Variants in GRID2 observed in about 807,000 individuals in gnomAD.
GRID2 encodes the protein glutamate ionotropic receptor delta type subunit 2.
A neutral mutation model predicts 114.8 loss-of-function variants in GRID2; 33 were observed. That is an observed-to-expected ratio of 0.29 (90% CI 0.22 to 0.38). The LOEUF is 0.38. GRID2 is among the 10% of genes least tolerant of loss of function. GRID2 has a pLI of 1.00. For synonymous variants in GRID2, 505 were observed against 449.9 expected (o/e 1.12, Z -1.55); for missense variants, 1,184 against 1,257.7 (o/e 0.94, Z 0.89).
intron 15 of GRID2, 47 bp downstream of exon 15, chr4:93,769,497 T>C (rs1343453569): frequency 6.2e-7 from 1 of 1,600,714 alleles, no homozygotes; most frequent in African/African-American, 1.3e-5. Flanking sequence ...ACAAGCAGGC[T>C]GTATTTCCAG....
chr4:92,609,063 A>G lies in GRID2; in HGVS notation c.244+18777A>G, dbSNP rs192962813. On this transcript the variant is annotated intron_variant, in intron 2 of 15. Transcript: ENST00000282020. The stretch of plus-strand genomic sequence containing the variant: ...AAGTACAGTAAGTTATAAAGTTTTC[A>G]TTAGTAAAGATGAAGTGTTAGAGGA... Among the ~76,000 whole-genome samples the G allele has an allele frequency of 1.1e-3, 163 of 151,892 alleles. 3 individuals are homozygous for G. The highest frequency in any genetic ancestry group is 3.6e-3 in the African/African-American group (148 of 41,512).
chr4:93,468,986 A>C (rs779745748), intron 11 of GRID2, among the ~76,000 whole-genome samples: 63 of 152,130 alleles, frequency 4.1e-4, no homozygotes, highest in Admixed American at 9.2e-4. Flanking sequence ...CATTTTAAAA[A>C]ACTTTAACTC....
intron 2 of GRID2, among the ~76,000 whole-genome samples, chr4:92,626,746 A>G (rs1730543106): frequency 1.3e-5 from 2 of 152,116 alleles, no homozygotes; most frequent in African/African-American, 4.8e-5. Flanking sequence ...CAGAGAAGAT[A>G]CCACAACATA....
At chr4:92,389,526 G>T (rs1478159597) in intron 1 of GRID2, among the ~76,000 whole-genome samples, 2 of 151,408 alleles carry the variant, frequency 1.3e-5, no homozygotes, top group African/African-American at 4.8e-5. Context: ...ATATCTAATT[G>T]AGTCTACTTC....
intron 2 of GRID2, among the ~76,000 whole-genome samples, chr4:92,891,998 A>G (rs540068111): frequency 6.6e-6 from 1 of 152,242 alleles, no homozygotes; most frequent in South Asian, 2.1e-4. Flanking sequence ...ACCCAAAAGT[A>G]TCTCTAAACA....
chr4:92,623,443 A>G (rs1166257804), intron 2 of GRID2, among the ~76,000 whole-genome samples: 4 of 151,718 alleles, frequency 2.6e-5, no homozygotes, highest in Non-Finnish European at 4.4e-5. Context: ...AGATACATGA[A>G]ACAAAGCCAT....
At chr4:93,183,307 T>C (rs931531856) in intron 4 of GRID2, among the ~76,000 whole-genome samples, 7 of 152,210 alleles carry the variant, frequency 4.6e-5, no homozygotes, top group African/African-American at 1.7e-4. Flanking sequence ...GTCAAGCTTA[T>C]TAAATTGAAG....
chr4:93,051,403 CA>C (rs1012429645), intron 2 of GRID2, among the ~76,000 whole-genome samples: 1 of 152,022 alleles, frequency 6.6e-6, no homozygotes, highest in African/African-American at 2.4e-5. Context: ...CCCCCTTTGC[CA>C]AGAGGCAAAG....
chr4:92,590,830 C>A (rs1728676626), intron 2 of GRID2, among the ~76,000 whole-genome samples: 1 of 152,034 alleles, frequency 6.6e-6, no homozygotes, highest in East Asian at 1.9e-4. Flanking sequence ...CCTCTGTAAA[C>A]CTGAGTAAAT....
chr4:93,338,653 AGC>A (rs1759328890), intron 8 of GRID2, among the ~76,000 whole-genome samples: 1 of 152,148 alleles, frequency 6.6e-6, no homozygotes, highest in African/African-American at 2.4e-5. Flanking sequence ...GGATCTTGTG[AGC>A]TTGTTCAAGC....
At chr4:93,075,121 G>A (rs940871894) in intron 2 of GRID2, among the ~76,000 whole-genome samples, 2 of 152,084 alleles carry the variant, frequency 1.3e-5, no homozygotes, top group African/African-American at 2.4e-5. Context: ...ACTGAAGCCA[G>A]CATTATCCTT....
intron 2 of GRID2, among the ~76,000 whole-genome samples, chr4:92,857,457 T>C (rs981630223): frequency 1.2e-4 from 19 of 152,174 alleles, no homozygotes; most frequent in African/African-American, 4.8e-5. Context: ...GTTGCTGATA[T>C]AGAGAAAGTT....
intron 1 of GRID2, among the ~76,000 whole-genome samples, chr4:93,799,999 C>T (rs1264853072): frequency 6.6e-6 from 1 of 152,146 alleles, no homozygotes; most frequent in African/African-American, 2.4e-5. Flanking sequence ...CTGAACTTCT[C>T]TTAAATGTTG....
intron 2 of GRID2, among the ~76,000 whole-genome samples, chr4:92,999,489 G>A (rs1194418546): frequency 6.6e-6 from 1 of 151,592 alleles, no homozygotes; most frequent in Admixed American, 6.6e-5. Flanking sequence ...AGACTATCAA[G>A]GTTAGTGTGG....
intron 8 of GRID2, among the ~76,000 whole-genome samples, chr4:93,323,150 G>A (rs1757426155): frequency 6.6e-6 from 1 of 152,082 alleles, no homozygotes; most frequent in African/African-American, 2.4e-5. Flanking sequence ...GTATTGCCTA[G>A]GTTTTCTTCT....
intron 8 of GRID2, among the ~76,000 whole-genome samples, chr4:93,269,210 A>T (rs925255182): frequency 6.6e-6 from 1 of 152,162 alleles, no homozygotes; most frequent in African/African-American, 2.4e-5. Flanking sequence ...TTGCACATTA[A>T]AATCACCTGG....
At chr4:92,461,444 G>A (rs1040219805) in intron 1 of GRID2, among the ~76,000 whole-genome samples, 3 of 151,850 alleles carry the variant, frequency 2.0e-5, no homozygotes, top group African/African-American at 7.3e-5. Context: ...TGTTGTGTTT[G>A]CCATTTTTTT....
intron 1 of GRID2, among the ~76,000 whole-genome samples, chr4:93,786,540 G>T (rs868055796): frequency 6.6e-6 from 1 of 152,082 alleles, no homozygotes; most frequent in Non-Finnish European, 1.5e-5. Context: ...CATTTTTTTT[G>T]TAACTGCATG....
chr4:93,489,903 A>G lies in GRID2; in HGVS notation c.1859-736A>G, dbSNP rs1366410333. Among the ~76,000 whole-genome samples, 4 of 152,092 alleles carry G rather than the reference A, an allele frequency of 2.6e-5. No homozygotes were observed. In the East Asian group the frequency reaches 5.8e-4, roughly 22 times the overall value. On this transcript the variant is annotated intron_variant, in intron 11 of 15. Coordinates refer to ENST00000282020, the MANE Select transcript of GRID2 (RefSeq NM_001510.4). ...GTGAGAATCATGTAGGCTTTTATCT[A>G]TAGCTCTCTAGAAAGAGTCAAGGTA...
Sources: allele counts gnomAD v4.1 joint callset (sites outside exome capture counted in the v4.1 genomes callset), GRCh38; gene constraint gnomAD v4.1.1; transcripts MANE v1.5; gene names NCBI Gene and HGNC (gene_info 2026-07-23, HGNC 2026-07-21).